Variants in MCC observed in about 807,000 individuals in gnomAD.
MCC encodes the protein MCC regulator of Wnt signaling pathway, also known as colorectal mutant cancer protein.
In MCC, 90 loss-of-function variants were observed where a neutral mutation model predicts 116.2. The ratio of observed to expected loss-of-function variants is 0.77; its 90% confidence interval spans 0.65 to 0.92. The LOEUF is 0.92. MCC is among the 40% of genes least tolerant of loss of function. The pLI is 0.00. For missense variants in MCC, 1,516 were observed against 1,312.2 expected (o/e 1.16, Z -2.40); for synonymous variants, 578 against 510.5 (o/e 1.13, Z -1.78).
intron 11 of MCC, among the ~76,000 whole-genome samples, chr5:113,076,236 C>A (rs1754445968): frequency 6.6e-6 from 1 of 152,198 alleles, no homozygotes; most frequent in African/African-American, 2.4e-5. Context: ...AAGCACTCTG[C>A]AGGATATTAT....
At chr5:113,324,196 C>A (rs980350694) in intron 3 of MCC, among the ~76,000 whole-genome samples, 1 of 152,042 alleles carries the variant, frequency 6.6e-6, no homozygotes, top group Non-Finnish European at 1.5e-5. Flanking sequence ...CTGAACCTCA[C>A]CAAATCCAAT....
rs201710253 is a variant in MCC, at chr5:113,091,910, A to C, written c.1399-6600T>G. On this transcript the variant is annotated intron_variant, in intron 8 of 18. Coordinates refer to ENST00000408903, the MANE Select transcript of MCC (RefSeq NM_001085377.2). The stretch of plus-strand genomic sequence containing the variant: ...CACACACACACACACACACCACACA[A>C]ACACACACACACACACTGCCTTCTC... Among the ~76,000 whole-genome samples, 5 of 147,196 alleles carry C rather than the reference A, an allele frequency of 3.4e-5. 1 individual carries two copies. Among genetic ancestry groups the C allele is most frequent in the East Asian group, 2.0e-4 (1 of 5,106 alleles).
intron 3 of MCC, among the ~76,000 whole-genome samples, chr5:113,153,849 A>G (rs1479844443): frequency 3.3e-5 from 5 of 152,232 alleles, no homozygotes; most frequent in South Asian, 2.1e-4. Context: ...CCCCGACTCC[A>G]TAACTGCAGG....
chr5:113,341,777 G>A (rs1768020007), intron 2 of MCC, among the ~76,000 whole-genome samples: 1 of 152,136 alleles, frequency 6.6e-6, no homozygotes. Context: ...TGCAGAAGAG[G>A]TGTCTGCTCA....
intron 17 of MCC, among the ~76,000 whole-genome samples, chr5:113,041,613 C>T (rs1751708391): frequency 6.6e-6 from 1 of 152,054 alleles, no homozygotes. Flanking sequence ...GCCCAGGAGA[C>T]AGCTTCTGAT....
intron 3 of MCC, among the ~76,000 whole-genome samples, chr5:113,222,210 T>C (rs1354456738): frequency 6.6e-6 from 1 of 152,236 alleles, no homozygotes; most frequent in Non-Finnish European, 1.5e-5. Context: ...TCTGTTAATA[T>C]GGTGATTTAC....
Position 113,262,144 on chromosome 5 carries a change from A to G in MCC, c.627+78375T>C, listed in dbSNP as rs934510226. ...GCAAAACAAAGGGCCTATTCTCCCA[A>G]GGTTCCCCGAAACAAATGCATCCTC... On this transcript the variant is annotated intron_variant, in intron 3 of 18. Transcript: ENST00000408903. 5.9e-5 allele frequency among the ~76,000 whole-genome samples: 9 copies of G among 152,150 alleles called. No homozygotes were observed. The South Asian group carries it at 1.9e-3, about 32-fold the overall frequency.
At chr5:113,396,956 T>C (rs1769543841) in intron 1 of MCC, among the ~76,000 whole-genome samples, 1 of 152,196 alleles carries the variant, frequency 6.6e-6, no homozygotes, top group Non-Finnish European at 1.5e-5. Context: ...AATCAACAGA[T>C]AACTTTCTTT....
intron 3 of MCC, among the ~76,000 whole-genome samples, chr5:113,304,866 A>G (rs1303084350): frequency 6.6e-6 from 1 of 152,188 alleles, no homozygotes; most frequent in Non-Finnish European, 1.5e-5. Flanking sequence ...ATAAAAATAG[A>G]TCTAGTAAAA....
Position 113,364,058 on chromosome 5 carries a change from C to T in MCC, c.415+20910G>A, listed in dbSNP as rs185362773. Among the ~76,000 whole-genome samples the T allele has an allele frequency of 6.1e-3, 924 of 151,950 alleles. 6 individuals carry two copies. The highest frequency in any genetic ancestry group is 0.01 in the Middle Eastern group (3 of 294). On this transcript the variant is annotated intron_variant, in intron 2 of 18. Coordinates refer to ENST00000408903, the MANE Select transcript of MCC (RefSeq NM_001085377.2). ...ACCAGCCTGGCCAATATGGTGAAAC[C>T]TCGTCTGTACTAAAATGCAAAAATT...
intron 2 of MCC, among the ~76,000 whole-genome samples, chr5:113,373,901 G>A (rs966693722): frequency 1.4e-5 from 2 of 138,228 alleles, no homozygotes; most frequent in African/African-American, 5.3e-5. Context: ...GAGGTTTTTT[G>A]TTTTTGTTTT....
rs745476726 is a variant in MCC, at chr5:113,027,232, G to A, written c.*70C>T. 6.8e-5 allele frequency: 103 copies of A among 1,517,154 alleles called. No individual in the cohort carries two copies. The highest frequency in any genetic ancestry group is 8.6e-5 in the Non-Finnish European group (96 of 1,113,682). The allele number at this position is 1,517,154 out of a possible 1,614,324, so 94.0% of individuals were successfully genotyped here. On this transcript the variant is annotated 3_prime_UTR_variant, in exon 19 of 19. Transcript: ENST00000408903. ...TCCTCCTCCTCCCAACAAGTACATG[G>A]GCCCTTCTGTCCCCAGTGGCCTGCT... is the stretch of plus-strand genomic sequence containing the variant.
intron 2 of MCC, among the ~76,000 whole-genome samples, chr5:113,383,603 T>C (rs1259324333): frequency 6.6e-6 from 1 of 151,986 alleles, no homozygotes; most frequent in African/African-American, 2.4e-5. Flanking sequence ...TTCCAGGTGG[T>C]AGGATTAGTA....
At chr5:113,276,003 C>G (rs1338176061) in intron 3 of MCC, among the ~76,000 whole-genome samples, 5 of 150,690 alleles carry the variant, frequency 3.3e-5, no homozygotes, top group Non-Finnish European at 7.4e-5. Flanking sequence ...CAGGCCAACC[C>G]CAACTCCCAT....
chr5:113,214,985 G>C (rs933998513), intron 3 of MCC, among the ~76,000 whole-genome samples: 2 of 152,080 alleles, frequency 1.3e-5, no homozygotes, highest in African/African-American at 4.8e-5. Context: ...TGCCCTTGGG[G>C]CTTTGCACAC....
intron 8 of MCC, among the ~76,000 whole-genome samples, chr5:113,093,725 C>T (rs1194850868): frequency 1.3e-5 from 2 of 151,950 alleles, no homozygotes; most frequent in Non-Finnish European, 2.9e-5. Flanking sequence ...GGAGCACAGA[C>T]AAGAGTCAGC....
At chr5:113,086,631 G>C (rs79310330) in intron 8 of MCC, among the ~76,000 whole-genome samples, 1 of 152,220 alleles carries the variant, frequency 6.6e-6, no homozygotes, top group Non-Finnish European at 1.5e-5. Flanking sequence ...TCCAAAGAGA[G>C]AAGTATTCCA....
Position 113,218,457 on chromosome 5 carries a change from C to CT in MCC, c.628-67036_628-67035insA, listed in dbSNP as rs551629355. 1.3e-3 allele frequency among the ~76,000 whole-genome samples: 202 copies of CT among 152,212 alleles called. 1 individual carries two copies. The highest frequency in any genetic ancestry group is 4.6e-3 in the African/African-American group (191 of 41,522). On this transcript the variant is annotated intron_variant, in intron 3 of 18. Coordinates refer to ENST00000408903, the MANE Select transcript of MCC (RefSeq NM_001085377.2). ...TTCCTGACATTACCGCCCGCTCAAC[C>CT]AGGAGGGCAGAAGGTGGGTCAGAAT...
At chr5:113,458,756 T>A (rs1771653890) in intron 1 of MCC, among the ~76,000 whole-genome samples, 1 of 151,864 alleles carries the variant, frequency 6.6e-6, no homozygotes, top group African/African-American at 2.4e-5. Context: ...GTGTGAGGGG[T>A]TACACACAGA....
Sources: gnomAD v4.1 joint callset for allele counts (sites outside exome capture counted in the v4.1 genomes callset) on GRCh38, gnomAD v4.1.1 for gene constraint, MANE v1.5 for transcripts, NCBI Gene and HGNC (gene_info 2026-07-23, HGNC 2026-07-21) for gene names.